The following SMAD1 variants were observed in gnomAD, a reference collection of about 807,000 sequenced individuals.
SMAD1 encodes MAD, mothers against decapentaplegic homolog 1.
Under a neutral mutation model 41.6 loss-of-function variants are expected in SMAD1, and 6 were observed. The ratio of observed to expected loss-of-function variants is 0.14; its 90% CI spans 0.08 to 0.28. The LOEUF (loss-of-function observed/expected upper bound fraction) is 0.28, where lower values mean the gene tolerates loss of function less well. SMAD1 is among the 10% of genes least tolerant of loss of function. SMAD1 has a pLI of 1.00. For synonymous variants in SMAD1, 206 were observed against 203.2 expected, an observed-to-expected ratio of 1.01 and a Z score of -0.12; for missense variants, 379 against 582.6, an observed-to-expected ratio of 0.65 and a Z score of 3.60.
chr4:145,542,762 C>A, intron 4 of SMAD1, 64 bp downstream of exon 4: 2 of 1,111,478 alleles, frequency 1.8e-6, no homozygotes, highest in South Asian at 1.4e-5. Context: ...GTTACTTTCT[C>A]TCACAAATTT....
chr4:145,482,719 G>GCGC lies in SMAD1; in HGVS notation c.-177+682_-177+684dup, dbSNP rs1188076659. 2.0e-5 allele frequency: 3 copies of GCGC among 152,126 alleles called. No individual in the cohort carries two copies. Among genetic ancestry groups the GCGC allele is most frequent in the Non-Finnish European group, 4.4e-5 (3 of 68,044 alleles). 9.4% of individuals were successfully genotyped at this position (152,126 alleles called of 1,614,324 possible). ...TAATTTATTCAAAGGTTTGGCGGCG[G>GCGC]CGCGTAATTTTTTCCCCCTCTTCCG... On this transcript the variant is annotated intron_variant, in intron 1 of 6. Coordinates refer to ENST00000302085, the MANE Select transcript of SMAD1 (RefSeq NM_005900.3). This position sits in a 1 kb window ranked among gnomAD's most constrained non-coding sequence, Gnocchi z 4.2.
At position 145,542,335 on chromosome 4, in the gene SMAD1, C is replaced by T. The variant is rs1578815744; in HGVS notation, c.659-247C>T. Among the ~76,000 whole-genome samples the T allele has an allele frequency of 2.0e-5, 3 of 152,374 alleles. No individual in the cohort carries two copies. In the South Asian group the frequency reaches 6.2e-4, roughly 32 times the overall value. On this transcript the variant is annotated intron_variant, in intron 3 of 6. Coordinates refer to ENST00000302085, the MANE Select transcript of SMAD1 (RefSeq NM_005900.3). ...ATGATCCTGCATAGGCAAACAGCTT[C>T]TGGAACTGGCATATAGTATAATTCT...
At chr4:145,515,839 A>G (rs918303502) in intron 2 of SMAD1, among the ~76,000 whole-genome samples, 4 of 152,166 alleles carry the variant, frequency 2.6e-5, no homozygotes, top group Non-Finnish European at 5.9e-5. Context: ...GTATATTAGA[A>G]TCACATGGCT....
intron 3 of SMAD1, 37 bp downstream of exon 3, chr4:145,540,098 TCAGA>T: frequency 1.2e-6 from 2 of 1,611,390 alleles, no homozygotes; most frequent in Middle Eastern, 3.3e-4. Context: ...TGTAGTCATA[TCAGA>T]CAGTGTTATC....
intron 1 of SMAD1, among the ~76,000 whole-genome samples, chr4:145,511,135 C>T (rs1417810609): frequency 6.6e-6 from 1 of 152,060 alleles, no homozygotes; most frequent in Non-Finnish European, 1.5e-5. Flanking sequence ...AAATAATGTT[C>T]CCCACAACTC....
chr4:145,557,058 A>G (rs943001611), intron 6 of SMAD1, among the ~76,000 whole-genome samples: 64 of 152,202 alleles, frequency 4.2e-4, no homozygotes, highest in African/African-American at 1.5e-3. Flanking sequence ...ATTCCTCATG[A>G]AACAGTGATT....
intron 2 of SMAD1, among the ~76,000 whole-genome samples, chr4:145,531,691 G>A (rs1731324428): frequency 6.6e-6 from 1 of 152,160 alleles, no homozygotes; most frequent in Non-Finnish European, 1.5e-5. Flanking sequence ...TTGGCTCAAA[G>A]TCACAAAGGT....
intron 1 of SMAD1, among the ~76,000 whole-genome samples, chr4:145,507,335 T>C (rs562172185): frequency 1.3e-5 from 2 of 152,268 alleles, no homozygotes; most frequent in South Asian, 4.1e-4. Context: ...TATTTTCATA[T>C]ATTTACATAG....
chr4:145,557,665 C>CGG, intron 6 of SMAD1, 126 bp from the exon 7 acceptor site: 1 of 636,972 alleles, frequency 1.6e-6, no homozygotes. Flanking sequence ...TCCCCAGGGG[C>CGG]GGGGGGGTCA....
intron 2 of SMAD1, among the ~76,000 whole-genome samples, chr4:145,520,442 C>A (rs1730677620): frequency 6.6e-6 from 1 of 152,224 alleles, no homozygotes; most frequent in African/African-American, 2.4e-5. Flanking sequence ...CCAAGTGAAA[C>A]TGATACTGCA....
chr4:145,515,013 GGTAA>G lies in SMAD1; in HGVS notation c.400+3_400+6del. ...CCACTATAAGAGAGTAGAAAGCCCT[GGTAA>G]GTGAGTTATTTTATGTTGATGTGCT... On this transcript the variant is annotated splice_donor_variant and splice_donor_region_variant and intron_variant, in intron 2 of 6. Coordinates refer to ENST00000302085, the MANE Select transcript of SMAD1 (RefSeq NM_005900.3). LOFTEE classifies it high-confidence loss of function. 2 of 1,594,612 alleles carry G rather than the reference GGTAA, an allele frequency of 1.3e-6. No homozygotes were observed. Among genetic ancestry groups the G allele is most frequent in the South Asian group, 1.1e-5 (1 of 88,674 alleles).
intron 2 of SMAD1, among the ~76,000 whole-genome samples, chr4:145,536,729 T>G (rs1731635087): frequency 6.6e-6 from 1 of 152,176 alleles, no homozygotes; most frequent in African/African-American, 2.4e-5. Flanking sequence ...GGATAAAGCT[T>G]GATAAGGAAC....
At chr4:145,544,037 CATT>C (rs1732102413) in intron 4 of SMAD1, 2 of 152,130 alleles carry the variant, frequency 1.3e-5, no homozygotes, top group South Asian at 4.1e-4. Flanking sequence ...AACTGCATGT[CATT>C]ATACATTTAT....
At chr4:145,527,226 T>TG (rs1731062026) in intron 2 of SMAD1, among the ~76,000 whole-genome samples, 1 of 144,786 alleles carries the variant, frequency 6.9e-6, no homozygotes, top group Admixed American at 6.7e-5. Flanking sequence ...CTCATTTAAT[T>TG]CTTTTTTTTT....
At chr4:145,490,261 T>A (rs937390094) in intron 1 of SMAD1, among the ~76,000 whole-genome samples, 7 of 152,106 alleles carry the variant, frequency 4.6e-5, no homozygotes, top group Non-Finnish European at 8.8e-5. Flanking sequence ...GAGGGAGAGT[T>A]GTCTGAGAAA....
intron 1 of SMAD1, among the ~76,000 whole-genome samples, chr4:145,490,634 TAC>T (rs1467971057): frequency 2.6e-5 from 4 of 152,188 alleles, no homozygotes; most frequent in African/African-American, 9.7e-5. Flanking sequence ...CCCCAACACT[TAC>T]TTGTTTTATA....
At chr4:145,480,888 A>T (rs1458108822), upstream of SMAD1, among the ~76,000 whole-genome samples, 1 of 151,394 alleles carries the variant, frequency 6.6e-6, no homozygotes, top group Non-Finnish European at 1.5e-5. Flanking sequence ...TAATTAGAAG[A>T]CATATTCTGA....
chr4:145,541,226 G>T (rs1731914473), intron 3 of SMAD1, among the ~76,000 whole-genome samples: 1 of 152,152 alleles, frequency 6.6e-6, no homozygotes, highest in South Asian at 2.1e-4. Flanking sequence ...AAAGGTTATT[G>T]CTTGAATTTA....
Position 145,539,904 on chromosome 4 carries a change from A to T in SMAD1, c.501A>T (p.Pro167=). 1 of 1,613,878 alleles carries T rather than the reference A, an allele frequency of 6.2e-7. No individual in the cohort carries two copies. The highest frequency in any genetic ancestry group is 8.5e-7 in the Non-Finnish European group (1 of 1,179,990). ...TAGGACAAAATGAGCCTCACATGCC[A>T]CTCAACGCCACTTTTCCAGATTCTT... ...RNLGQNEPHM[P]LNATFPDSFQ... Residue 167 remains proline, a synonymous_variant, in exon 3 of 7, where the codon CCA becomes CCT. Transcript: ENST00000302085.
Sources: allele counts gnomAD v4.1 joint callset (sites outside exome capture counted in the v4.1 genomes callset), GRCh38; gene constraint gnomAD v4.1.1; non-coding constraint Gnocchi (gnomAD v3.1); transcripts MANE v1.5; gene names NCBI Gene and HGNC (gene_info 2026-07-23, HGNC 2026-07-21).